Variants in NRK observed in about 807,000 individuals in gnomAD.
The protein encoded by NRK is Nik related kinase, also known as nik-related protein kinase.
A neutral mutation model predicts 125.2 loss-of-function variants in NRK; 67 were observed. The ratio of observed to expected loss-of-function variants is 0.54; its 90% CI spans 0.44 to 0.66. The LOEUF is 0.66. Ranked by LOEUF, NRK falls within the 30% of genes least tolerant of loss-of-function variation. The probability of loss-of-function intolerance (pLI) is 0.00; values close to 1 mark genes in which losing one functional copy is unlikely to be tolerated. For synonymous variants in NRK, 458 were observed against 429.0 expected (o/e 1.07, Z -0.84); for missense variants, 1,224 against 1,192.9 (o/e 1.03, Z -0.38).
At chrX:105,942,946 A>T (rs2040763696) in intron 23 of NRK, among the ~76,000 whole-genome samples, 2 of 111,552 alleles carry the variant, frequency 1.8e-5, no homozygotes, top group South Asian at 7.4e-4. Flanking sequence ...CTCTCATCAG[A>T]ATATGATTTG....
Position 105,940,258 on chromosome X carries a change from A to AT in NRK, c.3958+237dup, listed in dbSNP as rs1002439478. Among the ~76,000 whole-genome samples, 198 of 106,341 alleles carry AT rather than the reference A, an allele frequency of 1.9e-3. 1 individual carries two copies. The highest frequency in any genetic ancestry group is 3.8e-3 in the African/African-American group (112 of 29,514). 92.3% of individuals were successfully genotyped at this position (106,341 alleles called of 115,157 possible). On this transcript the variant is annotated intron_variant, in intron 23 of 28. Transcript: ENST00000243300. The stretch of plus-strand genomic sequence containing the variant: ...CCAGGTCTTCTATGTTACAATCTTG[A>AT]TTTTTTTTTTTGAGAAAACATTGAC...
chrX:105,948,749 C>T (rs1264417847), intron 26 of NRK: 4 of 469,641 alleles, frequency 8.5e-6, no homozygotes, highest in African/African-American at 2.5e-5. Context: ...GGCCTGAGTA[C>T]GCTGGGTTTG....
chrX:105,939,775 A>G, intron 22 of NRK, 99 bp from the exon 23 acceptor site: 1 of 494,863 alleles, frequency 2.0e-6, no homozygotes, highest in Non-Finnish European at 3.2e-6. Context: ...TTACGTTAAT[A>G]AAGATATTTT....
At chrX:105,914,831 A>AC (rs2040345608) in intron 14 of NRK, among the ~76,000 whole-genome samples, 1 of 106,065 alleles carries the variant, frequency 9.4e-6, no homozygotes, top group African/African-American at 3.4e-5. Context: ...TAGATTAAAA[A>AC]AGTAACACTC....
Position 105,946,034 on chromosome X carries a change from G to A in NRK, c.4203+19G>A, listed in dbSNP as rs1164558377. 8.4e-7 allele frequency: 1 copy of A among 1,197,119 alleles called. No individual in the cohort carries two copies. Among genetic ancestry groups the A allele is most frequent in the South Asian group, 1.8e-5 (1 of 55,448 alleles). Reference sequence around the variant, plus strand: ...GCTCAAGGCAAGGAACTTGAAGACAGCAAACAGAATGCAGGGTCATACAAG... The same window carrying A: ...GCTCAAGGCAAGGAACTTGAAGACAACAAACAGAATGCAGGGTCATACAAG... On this transcript the variant is annotated intron_variant, in intron 25 of 28. Coordinates refer to ENST00000243300, the MANE Select transcript of NRK (RefSeq NM_198465.4).
chrX:105,895,335 G>A lies in NRK; in HGVS notation c.490-98G>A, dbSNP rs374466713. 4.5e-6 allele frequency: 3 copies of A among 671,582 alleles called. No individual in the cohort carries two copies. The African/African-American group carries it at 6.6e-5, about 15-fold the overall frequency. The allele number at this position is 671,582 out of a possible 1,213,427, so 55.3% of individuals were successfully genotyped here. On this transcript the variant is annotated intron_variant, in intron 6 of 28. Transcript: ENST00000243300. Reference sequence around the variant, plus strand: ...AATTAAGCTGTTTCTCTTATCAAAAGTTTTTCCAAAAATACTAAGAACTGT... The same window carrying A: ...AATTAAGCTGTTTCTCTTATCAAAAATTTTTCCAAAAATACTAAGAACTGT...
intron 19 of NRK, among the ~76,000 whole-genome samples, chrX:105,933,969 TAGCACAGTAGCTGA>T (rs2040628010): frequency 1.8e-5 from 2 of 111,982 alleles, no homozygotes; most frequent in African/African-American, 6.5e-5. Flanking sequence ...ATATCATGCT[TAGCACAGTAGCTGA>T]TACATGGTAA....
chrX:105,922,135 A>G lies in NRK; in HGVS notation c.2610+74A>G, dbSNP rs2040459897. The stretch of plus-strand genomic sequence containing the variant: ...TTTATTTTGACTTACACATTCTCAT[A>G]TTCACTTGAGGGAAAGGTTAAAGAG... On this transcript the variant is annotated intron_variant, in intron 17 of 28. Transcript: ENST00000243300. 13 of 493,504 alleles carry G rather than the reference A, an allele frequency of 2.6e-5. No homozygotes were observed. In the East Asian group the frequency reaches 4.5e-4, roughly 17 times the overall value. 40.7% of individuals were successfully genotyped at this position (493,504 alleles called of 1,213,427 possible).
At chrX:105,952,934 A>C in intron 27 of NRK, 100 bp from the exon 28 acceptor site, 1 of 708,584 alleles carries the variant, frequency 1.4e-6, no homozygotes, top group Non-Finnish European at 2.0e-6. Flanking sequence ...GAACTGTAAC[A>C]ATGAGCCTCT....
chrX:105,920,211 C>T (rs1166713358), intron 16 of NRK, among the ~76,000 whole-genome samples: 7 of 103,973 alleles, frequency 6.7e-5, no homozygotes, highest in Admixed American at 2.1e-4. Flanking sequence ...TGTAGACATG[C>T]GGCGTTATTT....
chrX:105,909,339 C>G lies in NRK; in HGVS notation c.1698C>G (p.Ala566=). 1 of 1,204,568 alleles carries G rather than the reference C, an allele frequency of 8.3e-7. No individual in the cohort carries two copies. The highest frequency in any genetic ancestry group is 1.1e-6 in the Non-Finnish European group (1 of 890,898). Residue 566 remains alanine, a synonymous_variant, in exon 13 of 29, where the codon GCC becomes GCG. Coordinates refer to ENST00000243300, the MANE Select transcript of NRK (RefSeq NM_198465.4). ...AGCCAGAGGTACAGGAACAGGCTGC[C>G]GAGCCTGCACAGGCAGAGACTGAGG... is the stretch of plus-strand genomic sequence containing the variant. ...PEQPEVQEQA[A]EPAQAETEAE...
At chrX:105,932,703 A>G (rs1260582249) in intron 19 of NRK, among the ~76,000 whole-genome samples, 1 of 111,240 alleles carries the variant, frequency 9.0e-6, no homozygotes, top group African/African-American at 3.3e-5. Flanking sequence ...TGGAGATGCC[A>G]TGCTCTTTCA....
At chrX:105,954,665 TCACAAAATCTCCTAAATATAGC>T (rs2040950273) in intron 28 of NRK, among the ~76,000 whole-genome samples, 1 of 111,180 alleles carries the variant, frequency 9.0e-6, no homozygotes, top group Non-Finnish European at 1.9e-5. Context: ...CATCATTATG[TCACAAAATCTCCTAAATATAGC>T]CACTGTGGAT....
chrX:105,926,374 GTTGT>G lies in NRK; in HGVS notation c.3312+1347_3312+1350del, dbSNP rs560831726. On this transcript the variant is annotated intron_variant, in intron 19 of 28. Transcript: ENST00000243300. ...TGGATTATTTGCTTTTTTCTGTTGA[GTTGT>G]TTGAGTTTCTTACATTCAGGATTTT... Among the ~76,000 whole-genome samples, 4 of 111,776 alleles carry G rather than the reference GTTGT, an allele frequency of 3.6e-5. No individual in the cohort carries two copies. The South Asian group carries it at 1.5e-3, about 41-fold the overall frequency.
At chrX:105,862,661 G>A (rs1357973639) in intron 2 of NRK, among the ~76,000 whole-genome samples, 1 of 112,043 alleles carries the variant, frequency 8.9e-6, no homozygotes, top group African/African-American at 3.2e-5. Flanking sequence ...ACCATTTGAT[G>A]TACAAACTAT....
chrX:105,896,707 G>T (rs1014555181), intron 7 of NRK, among the ~76,000 whole-genome samples: 3 of 110,618 alleles, frequency 2.7e-5, no homozygotes, highest in Non-Finnish European at 5.7e-5. Flanking sequence ...GCTGGGCATG[G>T]TGGTGCGCAC....
intron 27 of NRK, among the ~76,000 whole-genome samples, chrX:105,950,481 T>A (rs2040876515): frequency 1.9e-5 from 2 of 106,751 alleles, no homozygotes; most frequent in East Asian, 3.0e-4. Flanking sequence ...GGATAGCTAT[T>A]ATAGAAAAGA....
chrX:105,910,183 G>A (rs1283026810), intron 13 of NRK, among the ~76,000 whole-genome samples: 4 of 111,510 alleles, frequency 3.6e-5, no homozygotes, highest in African/African-American at 1.3e-4. Context: ...TACTATTTTG[G>A]ATCTTTAAAA....
intron 2 of NRK, among the ~76,000 whole-genome samples, chrX:105,861,906 A>C (rs2039606123): frequency 9.0e-6 from 1 of 110,898 alleles, no homozygotes; most frequent in Non-Finnish European, 1.9e-5. Flanking sequence ...AAAATACAAA[A>C]AAAAAAATTA....
Sources: gnomAD v4.1 joint callset for allele counts (sites outside exome capture counted in the v4.1 genomes callset) on GRCh38, gnomAD v4.1.1 for gene constraint, MANE v1.5 for transcripts, NCBI Gene and HGNC (gene_info 2026-07-23, HGNC 2026-07-21) for gene names.